Variants in ERO1B observed in about 807,000 individuals in gnomAD.
ERO1B encodes the protein ERO1-like protein beta.
A neutral mutation model predicts 75.3 loss-of-function variants in ERO1B; 49 were observed. The observed-to-expected ratio is 0.65, with a 90% CI of 0.52 to 0.83. The LOEUF is 0.83. Among genes scored for constraint, ERO1B ranks in the 40% least tolerant of loss-of-function variants. The pLI is 0.00. For missense variants in ERO1B, 512 were observed against 560.1 expected, an observed-to-expected ratio of 0.91 and a Z score of 0.87; for synonymous variants, 191 against 192.9, an observed-to-expected ratio of 0.99 and a Z score of 0.08.
chr1:236,231,815 T>C (rs1664415731), intron 9 of ERO1B, among the ~76,000 whole-genome samples: 1 of 152,150 alleles, frequency 6.6e-6, no homozygotes, highest in Non-Finnish European at 1.5e-5. Flanking sequence ...GTAAGGATCA[T>C]TTATCATTAT....
chr1:236,231,564 A>C (rs894329662), intron 9 of ERO1B, among the ~76,000 whole-genome samples: 4 of 151,716 alleles, frequency 2.6e-5, no homozygotes, highest in Non-Finnish European at 5.9e-5. Flanking sequence ...GGGAAAGAGA[A>C]AGAAAAGAGA....
At chr1:236,235,980 A>G in intron 7 of ERO1B, 145 bp from the exon 8 acceptor site, 1 of 737,402 alleles carries the variant, frequency 1.4e-6, no homozygotes, top group Non-Finnish European at 2.2e-6. Context: ...GCTGGAGTAC[A>G]GTGGCGCAAT....
intron 9 of ERO1B, among the ~76,000 whole-genome samples, chr1:236,231,345 T>C (rs1664402610): frequency 6.6e-6 from 1 of 152,178 alleles, no homozygotes; most frequent in Admixed American, 6.5e-5. Flanking sequence ...AGAGATTTAT[T>C]GTAGAACATG....
intron 2 of ERO1B, among the ~76,000 whole-genome samples, chr1:236,264,071 T>C (rs1374162513): frequency 6.6e-6 from 1 of 152,180 alleles, no homozygotes; most frequent in Non-Finnish European, 1.5e-5. Flanking sequence ...TTGATTCTTT[T>C]GCATTTTTTA....
Position 236,281,902 on chromosome 1 carries a change from T to A in ERO1B, c.-119A>T. On this transcript the variant is annotated 5_prime_UTR_variant, in exon 1 of 16. Coordinates refer to ENST00000354619, the MANE Select transcript of ERO1B (RefSeq NM_019891.4). Reference sequence around the variant, plus strand: ...GGCCGAGCGACTCCAGGGTCAGAGGTCTGCACTCCAGTCCGGAGGCAGGCG... The same window carrying A: ...GGCCGAGCGACTCCAGGGTCAGAGGACTGCACTCCAGTCCGGAGGCAGGCG... The A allele has an allele frequency of 1.6e-6, 1 of 621,504 alleles. No homozygotes were observed. Among genetic ancestry groups the A allele is most frequent in the Non-Finnish European group, 2.4e-6 (1 of 423,820 alleles). The allele number at this position is 621,504 out of a possible 1,614,324, so 38.5% of individuals were successfully genotyped here. A position where few individuals can be genotyped will look rare whatever the true frequency, so the allele number is the denominator to read the frequency against.
At chr1:236,269,610 T>C (rs1449353454) in intron 2 of ERO1B, among the ~76,000 whole-genome samples, 1 of 152,188 alleles carries the variant, frequency 6.6e-6, no homozygotes, top group Admixed American at 6.5e-5. Context: ...ACAAAGTAAG[T>C]CTGTGGCATT....
intron 5 of ERO1B, 92 bp downstream of exon 5, chr1:236,249,793 A>G (rs1232169849): frequency 3.2e-6 from 3 of 929,902 alleles, no homozygotes; most frequent in East Asian, 5.6e-5. Context: ...TTAAAACTTT[A>G]ATGGGTTCGA....
At chr1:236,256,415 G>C (rs1665161889) in intron 2 of ERO1B, among the ~76,000 whole-genome samples, 1 of 152,124 alleles carries the variant, frequency 6.6e-6, no homozygotes, top group South Asian at 2.1e-4. Context: ...GCTTGCTCCA[G>C]ACACAATCCC....
At chr1:236,237,825 T>C (rs1664580348) in intron 6 of ERO1B, among the ~76,000 whole-genome samples, 1 of 152,190 alleles carries the variant, frequency 6.6e-6, no homozygotes, top group South Asian at 2.1e-4. Flanking sequence ...TCTTGATCCA[T>C]GCCTTCCAAG....
At chr1:236,252,728 T>C in intron 3 of ERO1B, among the ~76,000 whole-genome samples, 1 of 152,200 alleles carries the variant, frequency 6.6e-6, no homozygotes, top group East Asian at 1.9e-4. Context: ...ATTTTATTCT[T>C]AAAGGAAACT....
At chr1:236,230,197 C>G (rs1402881258) in intron 10 of ERO1B, 27 bp downstream of exon 10, 1 of 1,548,214 alleles carries the variant, frequency 6.5e-7, no homozygotes, top group African/African-American at 1.4e-5. Flanking sequence ...AACAAAAAAT[C>G]CAATAAATTT....
In ERO1B at chr1:236,281,808, CAGCCGGACCCCTCGG is replaced by C. The variant is rs779068690; in HGVS notation, c.-40_-26del. 110 of 1,403,262 alleles carry C rather than the reference CAGCCGGACCCCTCGG, an allele frequency of 7.8e-5. No individual in the cohort carries two copies. The African/African-American group carries it at 1.5e-3, about 20-fold the overall frequency. The allele number at this position is 1,403,262 out of a possible 1,614,324, so 86.9% of individuals were successfully genotyped here. ...TGCTGACCTCTACCCACACCGCGGC[CAGCCGGACCCCTCGG>C]GGCCGGGGAACGACGGGCGGCCCAG... On this transcript the variant is annotated 5_prime_UTR_variant, in exon 1 of 16. Transcript: ENST00000354619.
At chr1:236,255,903 C>A in intron 2 of ERO1B, among the ~76,000 whole-genome samples, 1 of 152,172 alleles carries the variant, frequency 6.6e-6, no homozygotes, top group Non-Finnish European at 1.5e-5. Context: ...GAAATTCTTA[C>A]CATCTGAGTA....
intron 2 of ERO1B, among the ~76,000 whole-genome samples, chr1:236,266,577 C>A (rs1195273499): frequency 6.6e-6 from 1 of 150,882 alleles, no homozygotes; most frequent in Non-Finnish European, 1.5e-5. Context: ...GCACTCCAGC[C>A]TGGGCAACAG....
chr1:236,236,444 A>G, intron 6 of ERO1B, 46 bp from the exon 7 acceptor site: 6 of 1,605,046 alleles, frequency 3.7e-6, no homozygotes, highest in Non-Finnish European at 5.1e-6. Flanking sequence ...TTCACCATTT[A>G]TCTAAGATTT....
At chr1:236,231,694 G>A (rs4356038) in intron 9 of ERO1B, among the ~76,000 whole-genome samples, 7,916 of 152,128 alleles carry the variant, frequency 0.052, 576 homozygotes, top group East Asian at 0.39. Flanking sequence ...GATGAGCTGA[G>A]TAAGGAGTCT....
intron 2 of ERO1B, among the ~76,000 whole-genome samples, chr1:236,255,037 C>A (rs1249075008): frequency 3.9e-5 from 6 of 152,004 alleles, no homozygotes; most frequent in Admixed American, 3.3e-4. Flanking sequence ...ATCTTTGTAC[C>A]TCAGCCTCCC....
chr1:236,249,730 T>A (rs575595411), intron 5 of ERO1B, among the ~76,000 whole-genome samples, 155 bp downstream of exon 5: 1 of 152,320 alleles, frequency 6.6e-6, no homozygotes, highest in South Asian at 2.1e-4. Context: ...GGCAAAGCTA[T>A]TATGAAATTT....
chr1:236,251,526 A>G, intron 4 of ERO1B: 3 of 923,920 alleles, frequency 3.2e-6, no homozygotes, highest in Non-Finnish European at 3.9e-6. Context: ...AGACAGAGAG[A>G]GAGGGTATGA....
Sources: allele counts gnomAD v4.1 joint callset (sites outside exome capture counted in the v4.1 genomes callset), GRCh38; gene constraint gnomAD v4.1.1; transcripts MANE v1.5; gene names NCBI Gene and HGNC (gene_info 2026-07-23, HGNC 2026-07-21).